NRG4: variants seen among roughly 807,000 people sequenced by gnomAD.
NRG4 encodes the protein neuregulin 4.
In NRG4, 10 loss-of-function variants were observed where a neutral mutation model predicts 15.0. The ratio of observed to expected loss-of-function variants is 0.67; its 90% CI spans 0.41 to 1.13. The LOEUF is 1.13. Among genes scored for constraint, NRG4 ranks in the 50% most tolerant of loss-of-function variants. The probability of loss-of-function intolerance (pLI) is 0.00; values close to 1 mark genes in which losing one functional copy is unlikely to be tolerated. For synonymous variants in NRG4, 41 were observed against 50.1 expected (o/e 0.82, Z 0.77); for missense variants, 139 against 140.2 (o/e 0.99, Z 0.04).
intron 3 of NRG4, among the ~76,000 whole-genome samples, chr15:75,988,139 C>T (rs1228924350): frequency 6.6e-6 from 1 of 152,198 alleles, no homozygotes; most frequent in Non-Finnish European, 1.5e-5. Flanking sequence ...TCTATAGTTA[C>T]AGCATGTGTC....
chr15:75,962,529 TTATAA>T (rs1189552882), intron 3 of NRG4, among the ~76,000 whole-genome samples: 15 of 152,322 alleles, frequency 9.8e-5, no homozygotes, highest in Admixed American at 9.1e-4. Flanking sequence ...TACTGTTACT[TTATAA>T]TATATTTGAA....
Position 75,955,996 on chromosome 15 carries a change from C to T in NRG4, c.267G>A (p.Gln89=), listed in dbSNP as rs767942331. The part of the protein sequence containing the change: ...FYFLCRKGHF[Q]RASSVQYDIN... Reference sequence around the variant, plus strand: ...TATCATACTGGACTGAACTGGCTCTCTGAAAGTGGCCTTTCCTGACAATAA... The same window carrying T: ...TATCATACTGGACTGAACTGGCTCTTTGAAAGTGGCCTTTCCTGACAATAA... The change falls in exon 5 of 6, where the codon CAG becomes CAA. Residue 89 remains glutamine (Q), a synonymous_variant. Transcript: ENST00000394907. 3 of 1,609,270 alleles carry T rather than the reference C, an allele frequency of 1.9e-6. No individual in the cohort carries two copies. The highest frequency in any genetic ancestry group is 2.6e-6 in the Non-Finnish European group (3 of 1,175,724).
chr15:76,014,915 ATC>A (rs745946334), upstream of NRG4, among the ~76,000 whole-genome samples: 1 of 152,098 alleles, frequency 6.6e-6, no homozygotes, highest in Non-Finnish European at 1.5e-5. Context: ...ATGGCATTGA[ATC>A]TCTAAATTAC....
intron 3 of NRG4, among the ~76,000 whole-genome samples, chr15:75,979,356 T>A (rs762975703): frequency 2.0e-5 from 3 of 152,194 alleles, no homozygotes; most frequent in Non-Finnish European, 4.4e-5. Flanking sequence ...GTTCTTTTCT[T>A]ATCTCCAATC....
chr15:76,055,359 A>G (rs2036127878), intron 2 of NRG4, among the ~76,000 whole-genome samples: 1 of 152,232 alleles, frequency 6.6e-6, no homozygotes, highest in African/African-American at 2.4e-5. Flanking sequence ...TTTCACTCTT[A>G]AATTTCATAA....
chr15:75,958,384 AC>A (rs1344580501), intron 4 of NRG4, among the ~76,000 whole-genome samples: 1 of 152,214 alleles, frequency 6.6e-6, no homozygotes, highest in African/African-American at 2.4e-5. Context: ...TCCAATAAAT[AC>A]AGATTTCTGA....
At chr15:76,025,998 A>C (rs936396813) in intron 5 of NRG4, among the ~76,000 whole-genome samples, 4 of 152,062 alleles carry the variant, frequency 2.6e-5, no homozygotes, top group Non-Finnish European at 4.4e-5. Flanking sequence ...CCGACTACAC[A>C]CCCAAAAAAA....
chr15:76,029,512 C>A (rs1223924996), intron 5 of NRG4, among the ~76,000 whole-genome samples: 2 of 152,090 alleles, frequency 1.3e-5, no homozygotes, highest in Non-Finnish European at 1.5e-5. Context: ...ATGACATGAT[C>A]TTCTATATAG....
intron 2 of NRG4, among the ~76,000 whole-genome samples, chr15:76,054,608 T>G (rs946040848): frequency 1.3e-5 from 2 of 152,096 alleles, no homozygotes; most frequent in Non-Finnish European, 2.9e-5. Context: ...AGAGACAGAG[T>G]TTCGCCATGT....
upstream of NRG4, among the ~76,000 whole-genome samples, chr15:76,013,483 T>C (rs547517092): frequency 8.5e-5 from 13 of 152,342 alleles, no homozygotes; most frequent in South Asian, 2.5e-3. Flanking sequence ...TTTCTCCTAA[T>C]GTTATCCCTC....
chr15:75,979,833 A>C (rs2033531693), intron 3 of NRG4, among the ~76,000 whole-genome samples: 2 of 152,132 alleles, frequency 1.3e-5, no homozygotes, highest in African/African-American at 4.8e-5. Flanking sequence ...ATTCTCAATC[A>C]ATTTAATTAA....
chr15:75,961,423 T>C (rs1418413485), intron 4 of NRG4, among the ~76,000 whole-genome samples: 1 of 152,158 alleles, frequency 6.6e-6, no homozygotes, highest in Non-Finnish European at 1.5e-5. Flanking sequence ...CCTAGCACAA[T>C]AGTGGGCACT....
chr15:76,002,928 T>C (rs1477978652), intron 3 of NRG4, among the ~76,000 whole-genome samples: 2 of 152,154 alleles, frequency 1.3e-5, no homozygotes, highest in Non-Finnish European at 2.9e-5. Context: ...ATGGGCAAAA[T>C]ATCAGTCTGG....
At chr15:76,017,340 T>C (rs989540695), upstream of NRG4, among the ~76,000 whole-genome samples, 1 of 152,096 alleles carries the variant, frequency 6.6e-6, no homozygotes, top group Non-Finnish European at 1.5e-5. Flanking sequence ...CCTGTTTACA[T>C]TGAAGATTAA....
chr15:76,034,856 G>A (rs190726255), intron 5 of NRG4, among the ~76,000 whole-genome samples: 4 of 152,200 alleles, frequency 2.6e-5, no homozygotes, highest in Admixed American at 1.3e-4. Context: ...ACCACTGCGC[G>A]TTCAATGCTG....
intron 2 of NRG4, among the ~76,000 whole-genome samples, chr15:76,055,669 T>C (rs2036135550): frequency 7.1e-6 from 1 of 141,252 alleles, no homozygotes; most frequent in South Asian, 2.1e-4. Context: ...AAAAAATAAT[T>C]AAAATGTGCT....
chr15:76,009,070 C>T, intron 3 of NRG4, 130 bp downstream of exon 3: 19 of 619,132 alleles, frequency 3.1e-5, no homozygotes, highest in South Asian at 5.9e-5. Flanking sequence ...GATAATTTTC[C>T]CTAAATAAAT....
intron 2 of NRG4, among the ~76,000 whole-genome samples, chr15:76,056,571 C>G (rs1188092410): frequency 1.3e-5 from 2 of 152,148 alleles, no homozygotes; most frequent in Non-Finnish European, 2.9e-5. Context: ...CACATATATT[C>G]CATTTTTCAG....
At chr15:75,943,750 T>C (rs1567065991) in intron 5 of NRG4, 96 bp from the exon 6 acceptor site, 5 of 788,914 alleles carry the variant, frequency 6.3e-6, no homozygotes, top group Non-Finnish European at 1.1e-5. Flanking sequence ...TTCACATATA[T>C]AAGCCAACCC....
Sources: allele counts gnomAD v4.1 joint callset (sites outside exome capture counted in the v4.1 genomes callset), GRCh38; gene constraint gnomAD v4.1.1; transcripts MANE v1.5; gene names NCBI Gene and HGNC (gene_info 2026-07-23, HGNC 2026-07-21).